WDFY1: variants seen among roughly 807,000 people sequenced by gnomAD.
WDFY1 encodes WD repeat and FYVE domain containing 1, also known as WD repeat and FYVE domain-containing protein 1.
A neutral mutation model predicts 56.4 loss-of-function variants in WDFY1; 32 were observed. That is an observed-to-expected ratio of 0.57 (90% confidence interval 0.43 to 0.76). The LOEUF (loss-of-function observed/expected upper bound fraction) is 0.76, where lower values mean the gene tolerates loss of function less well. Among genes scored for constraint, WDFY1 ranks in the 30% least tolerant of loss-of-function variants. The pLI, the probability that WDFY1 is intolerant of heterozygous loss-of-function variation, is 0.00. For synonymous variants in WDFY1, 192 were observed against 197.3 expected, an observed-to-expected ratio of 0.97 and a Z score of 0.23; for missense variants, 480 against 545.7, an observed-to-expected ratio of 0.88 and a Z score of 1.20.
At chr2:223,927,799 G>C (rs1046696788) in intron 1 of WDFY1, among the ~76,000 whole-genome samples, 1 of 152,084 alleles carries the variant, frequency 6.6e-6, no homozygotes. Context: ...CATTTCTAAC[G>C]TTTGATTTAA....
At chr2:223,882,421 G>A (rs558744144) in intron 9 of WDFY1, among the ~76,000 whole-genome samples, 19 of 152,136 alleles carry the variant, frequency 1.2e-4, no homozygotes, top group Admixed American at 9.8e-4. Context: ...CCTAGCTTTT[G>A]CTTTAAAGCA....
rs750445401 is a variant in WDFY1, at chr2:223,935,311, T to C, written c.137+9837A>G. Among the ~76,000 whole-genome samples, 10 of 152,342 alleles carry C rather than the reference T, an allele frequency of 6.6e-5. 1 individual carries two copies. The highest frequency in any genetic ancestry group is 1.2e-4 in the Non-Finnish European group (8 of 68,028). ...AAATTTCTTTGACGGTGATCTGCTGTAGATTCACCTTGACCTTGAAGGGAA... is the reference window on the plus strand; with the variant it reads ...AAATTTCTTTGACGGTGATCTGCTGCAGATTCACCTTGACCTTGAAGGGAA... On this transcript the variant is annotated intron_variant, in intron 1 of 11. Transcript: ENST00000233055.
intron 1 of WDFY1, among the ~76,000 whole-genome samples, chr2:223,934,339 C>A (rs1181014223): frequency 6.6e-6 from 1 of 152,004 alleles, no homozygotes; most frequent in Non-Finnish European, 1.5e-5. Flanking sequence ...GATTCACCCA[C>A]CTCGGCCCCG....
At chr2:223,907,890 T>C (rs1304259825) in intron 3 of WDFY1, among the ~76,000 whole-genome samples, 1 of 150,924 alleles carries the variant, frequency 6.6e-6, no homozygotes, top group Admixed American at 6.6e-5. Context: ...GACAGGGTCT[T>C]GTTCTGCCAT....
chr2:223,876,998 A>G lies in WDFY1; in HGVS notation c.*1673T>C, dbSNP rs943030441. 1 of 152,214 alleles carries G rather than the reference A, an allele frequency of 6.6e-6. No homozygotes were observed. Among genetic ancestry groups the G allele is most frequent in the Non-Finnish European group, 1.5e-5 (1 of 68,044 alleles). 9.4% of individuals were successfully genotyped at this position (152,214 alleles called of 1,614,324 possible). On this transcript the variant is annotated 3_prime_UTR_variant, in exon 12 of 12. Transcript: ENST00000233055. The stretch of plus-strand genomic sequence containing the variant: ...TATACATTTTGCAAAGAGTCTAGAA[A>G]GTTTTTAAAAGAAATCTCTTTAGGT...
At chr2:223,886,196 G>A (rs1016586568) in intron 8 of WDFY1, among the ~76,000 whole-genome samples, 3 of 151,542 alleles carry the variant, frequency 2.0e-5, no homozygotes, top group East Asian at 3.9e-4. Context: ...AAAATTAGCC[G>A]GGTGTGGTGG....
At position 223,898,908 on chromosome 2, in the gene WDFY1, T is replaced by C. The variant is rs562228331; in HGVS notation, c.598+50A>G. 1.3e-5 allele frequency: 19 copies of C among 1,410,540 alleles called. No homozygotes were observed. In the East Asian group the frequency reaches 4.3e-4, roughly 32 times the overall value. The allele number at this position is 1,410,540 out of a possible 1,614,324, so 87.4% of individuals were successfully genotyped here. A position where few individuals can be genotyped will look rare whatever the true frequency, so the allele number is the denominator to read the frequency against. On this transcript the variant is annotated intron_variant, in intron 6 of 11. Transcript: ENST00000233055. The stretch of plus-strand genomic sequence containing the variant: ...AATCCACATAGTAGAGAACTGAATT[T>C]GGATGTCCAAGTTAGGCAAAAAAAA...
At chr2:223,936,134 T>C (rs1263285285) in intron 1 of WDFY1, among the ~76,000 whole-genome samples, 1 of 144,970 alleles carries the variant, frequency 6.9e-6, no homozygotes, top group Non-Finnish European at 1.5e-5. Context: ...TGATCTTGGC[T>C]CACTGCAACC....
intron 8 of WDFY1, among the ~76,000 whole-genome samples, chr2:223,891,610 CTAGA>C (rs112521516): frequency 0.017 from 2,572 of 152,126 alleles, 60 homozygotes; most frequent in Middle Eastern, 0.058. Flanking sequence ...TTTTCTTTCC[CTAGA>C]TAGAGAAATA....
At chr2:223,911,181 G>A (rs1693691912) in intron 3 of WDFY1, among the ~76,000 whole-genome samples, 2 of 152,132 alleles carry the variant, frequency 1.3e-5, no homozygotes, top group Admixed American at 1.3e-4. Context: ...TATATAAAGT[G>A]TCTAAAATAG....
At chr2:223,900,006 A>C (rs1270626631) in intron 5 of WDFY1, among the ~76,000 whole-genome samples, 1 of 152,210 alleles carries the variant, frequency 6.6e-6, no homozygotes, top group African/African-American at 2.4e-5. Flanking sequence ...GTACATTTAA[A>C]TTTAGAAAAT....
At chr2:223,913,614 A>G (rs1316238946) in intron 2 of WDFY1, among the ~76,000 whole-genome samples, 2 of 152,234 alleles carry the variant, frequency 1.3e-5, no homozygotes, top group Non-Finnish European at 2.9e-5. Context: ...CTTATCTTTG[A>G]CAAATCAAAT....
At chr2:223,908,802 G>T (rs1252263858) in intron 3 of WDFY1, among the ~76,000 whole-genome samples, 1 of 152,140 alleles carries the variant, frequency 6.6e-6, no homozygotes, top group East Asian at 1.9e-4. Context: ...AAAAAGATCA[G>T]CATCTTTTCT....
chr2:223,920,730 C>A (rs1473573330), intron 1 of WDFY1, among the ~76,000 whole-genome samples: 1 of 152,154 alleles, frequency 6.6e-6, no homozygotes, highest in African/African-American at 2.4e-5. Context: ...AAAACCATCT[C>A]GTGAAAAATG....
Position 223,945,292 on chromosome 2 carries a change from C to A in WDFY1, c.-8G>T. On this transcript the variant is annotated 5_prime_UTR_variant, in exon 1 of 12. Coordinates refer to ENST00000233055, the MANE Select transcript of WDFY1 (RefSeq NM_020830.5). The stretch of plus-strand genomic sequence containing the variant: ...GTGGATTTCGGCCGCCATGTTCGCG[C>A]GGCGACTGCTGCGGCCTCCTCGGCA... 6.4e-7 allele frequency: 1 copy of A among 1,565,920 alleles called. No homozygotes were observed. Among genetic ancestry groups the A allele is most frequent in the Non-Finnish European group, 8.6e-7 (1 of 1,163,416 alleles).
chr2:223,900,471 C>A (rs769033501), intron 5 of WDFY1, among the ~76,000 whole-genome samples: 6 of 152,116 alleles, frequency 3.9e-5, no homozygotes, highest in Non-Finnish European at 7.4e-5. Context: ...CTTGATCTTG[C>A]CATCACTAAG....
At chr2:223,913,212 CA>C (rs60874770) in intron 2 of WDFY1, among the ~76,000 whole-genome samples, 9,745 of 59,798 alleles carry the variant, frequency 0.16, 881 homozygotes, top group African/African-American at 0.36. Flanking sequence ...AACTCCATCT[CA>C]AAAAAAAAAA....
At chr2:223,904,232 T>C (rs550630931) in intron 4 of WDFY1, among the ~76,000 whole-genome samples, 110 of 152,298 alleles carry the variant, frequency 7.2e-4, no homozygotes, top group African/African-American at 2.5e-3. Context: ...GTCATTGTTA[T>C]ATCACTTTTC....
intron 1 of WDFY1, among the ~76,000 whole-genome samples, chr2:223,918,354 C>T (rs1190636424): frequency 1.3e-5 from 2 of 152,088 alleles, no homozygotes; most frequent in African/African-American, 4.8e-5. Flanking sequence ...TTCGGCCAGG[C>T]GCGGTGGCTC....
Sources: allele counts gnomAD v4.1 joint callset (sites outside exome capture counted in the v4.1 genomes callset), GRCh38; gene constraint gnomAD v4.1.1; transcripts MANE v1.5; gene names NCBI Gene and HGNC (gene_info 2026-07-23, HGNC 2026-07-21).